The following ADAMTS2 variants were observed in gnomAD, a reference collection of about 807,000 sequenced individuals.
ADAMTS2 encodes A disintegrin and metalloproteinase with thrombospondin motifs 2.
A neutral mutation model predicts 123.0 loss-of-function variants in ADAMTS2; 50 were observed. The ratio of observed to expected loss-of-function variants is 0.41; its 90% CI spans 0.32 to 0.51. ADAMTS2 has a LOEUF of 0.51. ADAMTS2 is among the 20% of genes least tolerant of loss of function. The pLI is 0.35. For synonymous variants in ADAMTS2, 678 were observed against 695.4 expected (o/e 0.98, Z 0.39); for missense variants, 1,494 against 1,705.2 (o/e 0.88, Z 2.18).
Position 179,117,386 on chromosome 5 carries a change from C to A in ADAMTS2, c.3179-3062G>T, listed in dbSNP as rs1181172992. On this transcript the variant is annotated intron_variant, in intron 21 of 21. Coordinates refer to ENST00000251582, the MANE Select transcript of ADAMTS2 (RefSeq NM_014244.5). The surrounding 1 kb of genome is among the most constrained non-coding windows in gnomAD (Gnocchi z 4.2). ...GATAAGGCTGGTGTTACACATTTAT[C>A]CACATCTCCACTCCCTCACTGTCTC... Among the ~76,000 whole-genome samples, 1 of 152,182 alleles carries A rather than the reference C, an allele frequency of 6.6e-6. No individual in the cohort carries two copies. Among genetic ancestry groups the A allele is most frequent in the Non-Finnish European group, 1.5e-5 (1 of 68,036 alleles).
chr5:179,271,114 C>T (rs1427657326), intron 3 of ADAMTS2, among the ~76,000 whole-genome samples: 1 of 152,144 alleles, frequency 6.6e-6, no homozygotes, highest in Non-Finnish European at 1.5e-5. Flanking sequence ...TTCCTGTGTT[C>T]TGAATTTCAA....
intron 3 of ADAMTS2, among the ~76,000 whole-genome samples, chr5:179,231,909 T>C (rs546848374): frequency 1.5e-5 from 2 of 136,678 alleles, no homozygotes; most frequent in African/African-American, 5.8e-5. Flanking sequence ...AGCGAGACCC[T>C]GTCTCTAGGA....
intron 19 of ADAMTS2, among the ~76,000 whole-genome samples, chr5:179,124,089 T>C (rs1281584854): frequency 6.6e-6 from 1 of 152,208 alleles, no homozygotes; most frequent in African/African-American, 2.4e-5. Context: ...CCAACCTCCT[T>C]GCCTGTGACT....
At chr5:179,127,482 T>C (rs1762880016) in intron 17 of ADAMTS2, among the ~76,000 whole-genome samples, 1 of 152,032 alleles carries the variant, frequency 6.6e-6, no homozygotes. Flanking sequence ...CTATGTCCCA[T>C]CAACTGCAGA....
chr5:179,330,111 C>T (rs1185876298), intron 2 of ADAMTS2, among the ~76,000 whole-genome samples: 1 of 135,118 alleles, frequency 7.4e-6, no homozygotes, highest in African/African-American at 2.8e-5. Context: ...CCGGCCTGGG[C>T]GACAGAGCGA....
intron 18 of ADAMTS2, among the ~76,000 whole-genome samples, 171 bp downstream of exon 18, chr5:179,125,827 G>A (rs1000940596): frequency 2.0e-5 from 3 of 152,246 alleles, no homozygotes; most frequent in African/African-American, 7.2e-5. Context: ...GTTTGAAGCT[G>A]GGGTGCGCCT....
intron 5 of ADAMTS2, among the ~76,000 whole-genome samples, chr5:179,169,625 T>C (rs1172892066): frequency 6.6e-6 from 1 of 152,058 alleles, no homozygotes; most frequent in Non-Finnish European, 1.5e-5. Context: ...TCCCACCTCA[T>C]CCCCTGTCCC....
intron 2 of ADAMTS2, among the ~76,000 whole-genome samples, chr5:179,309,757 C>CAAAAAAAA (rs34487269): frequency 1.8e-4 from 8 of 44,442 alleles, no homozygotes; most frequent in Non-Finnish European, 2.6e-4. Context: ...ACTCAGTCTC[C>CAAAAAAAA]AAAAAAAAAA....
Position 179,136,016 on chromosome 5 carries a change from C to T in ADAMTS2, c.1978G>A (p.Glu660Lys), listed in dbSNP as rs750719285. ...ACCACCTCCCCGGTCTCCCTGGACTCGCAGTACAGGTGGCATCTCTCCTTG... is the reference window on the plus strand; with the variant it reads ...ACCACCTCCCCGGTCTCCCTGGACTTGCAGTACAGGTGGCATCTCTCCTTG... ...DAKERCHLYCESRETGEVVSM... is the reference protein window; with the variant it reads ...DAKERCHLYCKSRETGEVVSM... The change falls in exon 13 of 22, where the codon GAG (glutamate) becomes AAG (lysine). Residue 660 changes from glutamate to lysine, a missense_variant. Coordinates refer to ENST00000251582, the MANE Select transcript of ADAMTS2 (RefSeq NM_014244.5). 36 of 1,613,306 alleles carry T rather than the reference C, an allele frequency of 2.2e-5. No individual in the cohort carries two copies. Among genetic ancestry groups the T allele is most frequent in the Middle Eastern group, 1.6e-4 (1 of 6,084 alleles).
At chr5:179,216,800 G>A (rs1021660618) in intron 3 of ADAMTS2, among the ~76,000 whole-genome samples, 1 of 152,236 alleles carries the variant, frequency 6.6e-6, no homozygotes, top group Non-Finnish European at 1.5e-5. Flanking sequence ...TGCTCAAGTA[G>A]CAATACAGTG....
intron 13 of ADAMTS2, among the ~76,000 whole-genome samples, chr5:179,133,849 G>A (rs184400799): frequency 3.3e-5 from 5 of 150,814 alleles, no homozygotes; most frequent in African/African-American, 4.9e-5. Context: ...CTCCCGAGTC[G>A]CTGCCTGTAG....
At chr5:179,116,176 G>T (rs1762654204) in intron 21 of ADAMTS2, among the ~76,000 whole-genome samples, 1 of 152,036 alleles carries the variant, frequency 6.6e-6, no homozygotes, top group African/African-American at 2.4e-5. Flanking sequence ...TATGGGAGGG[G>T]TCTGTGTCCA....
intron 3 of ADAMTS2, among the ~76,000 whole-genome samples, chr5:179,255,241 G>C (rs535044418): frequency 2.0e-5 from 3 of 152,348 alleles, no homozygotes; most frequent in Admixed American, 2.0e-4. Context: ...TGAATGATTG[G>C]ATAGATGGAT....
At chr5:179,265,060 A>ACAGCAGCATGCCGGGTGGGGCTGAGC (rs1282431948) in intron 3 of ADAMTS2, among the ~76,000 whole-genome samples, 3 of 152,052 alleles carry the variant, frequency 2.0e-5, no homozygotes, top group South Asian at 4.1e-4. Flanking sequence ...CCCTGCACCA[A>ACAGCAGCATGCCGGGTGGGGCTGAGC]ACTGCCCGCT....
At position 179,314,424 on chromosome 5, in the gene ADAMTS2, G is replaced by A. The variant is rs1375082493; in HGVS notation, c.534+29343C>T. On this transcript the variant is annotated intron_variant, in intron 2 of 21. Coordinates refer to ENST00000251582, the MANE Select transcript of ADAMTS2 (RefSeq NM_014244.5). The surrounding 1 kb of genome is among the most constrained non-coding windows in gnomAD (Gnocchi z 4.5). ...AGGCCAGGCTCCTCCCCACCCCGTG[G>A]CGTGGCGTGGCGTGGCCGGAATACT... 6.8e-6 allele frequency among the ~76,000 whole-genome samples: 1 copy of A among 146,220 alleles called. No individual in the cohort carries two copies. The highest frequency in any genetic ancestry group is 1.5e-5 in the Non-Finnish European group (1 of 67,936).
intron 2 of ADAMTS2, among the ~76,000 whole-genome samples, chr5:179,329,590 C>T (rs1757425586): frequency 6.6e-6 from 1 of 152,096 alleles, no homozygotes; most frequent in Non-Finnish European, 1.5e-5. Flanking sequence ...AAAAGCAAAA[C>T]ATATAATGGA....
At chr5:179,212,818 T>C (rs1407528839) in intron 3 of ADAMTS2, among the ~76,000 whole-genome samples, 2 of 151,608 alleles carry the variant, frequency 1.3e-5, no homozygotes, top group Admixed American at 1.3e-4. Context: ...GGCTCTGAGG[T>C]CAGGCAGGGG....
At chr5:179,297,910 A>G (rs1481261170) in intron 2 of ADAMTS2, among the ~76,000 whole-genome samples, 1 of 150,884 alleles carries the variant, frequency 6.6e-6, no homozygotes, top group Non-Finnish European at 1.5e-5. Context: ...CAGCCACAGG[A>G]CCTCCCTTCC....
In ADAMTS2 at chr5:179,189,572, T is replaced by G. The variant is rs1483752004; in HGVS notation, c.892-8417A>C. Among the ~76,000 whole-genome samples, 1 of 134,610 alleles carries G rather than the reference T, an allele frequency of 7.4e-6. No individual in the cohort carries two copies. Among genetic ancestry groups the G allele is most frequent in the Non-Finnish European group, 1.5e-5 (1 of 65,168 alleles). The allele number at this position is 134,610 out of a possible 152,430, so 88.3% of individuals were successfully genotyped here. On this transcript the variant is annotated intron_variant, in intron 4 of 21. Coordinates refer to ENST00000251582, the MANE Select transcript of ADAMTS2 (RefSeq NM_014244.5). This position sits in a 1 kb window ranked among gnomAD's most constrained non-coding sequence, Gnocchi z 4.2. ...CAGGGTTTCACAATGTTAGCCAGGA[T>G]GGTCTTGATCTCCTGACTTCATGAT...
Sources: allele counts gnomAD v4.1 joint callset (sites outside exome capture counted in the v4.1 genomes callset), GRCh38; gene constraint gnomAD v4.1.1; non-coding constraint Gnocchi (gnomAD v3.1); transcripts MANE v1.5; gene names NCBI Gene and HGNC (gene_info 2026-07-23, HGNC 2026-07-21).